The following BAZ1B variants were observed in gnomAD, a reference collection of about 807,000 sequenced individuals.
BAZ1B encodes the protein bromodomain adjacent to zinc finger domain 1B, also known as tyrosine-protein kinase BAZ1B.
In BAZ1B, 22 loss-of-function variants were observed where a neutral mutation model predicts 153.8. The observed-to-expected ratio is 0.14, with a 90% CI of 0.10 to 0.20. The LOEUF is 0.20. BAZ1B is among the 10% of genes least tolerant of loss of function. The pLI is 1.00. For missense variants in BAZ1B, 1,325 were observed against 1,799.3 expected (o/e 0.74, Z 4.77); for synonymous variants, 676 against 633.4 (o/e 1.07, Z -1.01).
intron 4 of BAZ1B, among the ~76,000 whole-genome samples, chr7:73,496,632 G>A (rs1162948686): frequency 6.6e-6 from 1 of 152,106 alleles, no homozygotes; most frequent in Non-Finnish European, 1.5e-5. Flanking sequence ...AGGCTGAACG[G>A]TCTTCCCAGT....
intron 3 of BAZ1B, among the ~76,000 whole-genome samples, chr7:73,499,949 T>C (rs537829849): frequency 6.6e-6 from 1 of 152,302 alleles, no homozygotes; most frequent in Admixed American, 6.5e-5. Context: ...TTGGTCTTGC[T>C]TTTTCTGCCC....
Position 73,450,881 on chromosome 7 carries a change from T to C in BAZ1B, c.3546A>G (p.Ala1182=), listed in dbSNP as rs143371789. The C allele has an allele frequency of 7.4e-6, 12 of 1,614,080 alleles. No individual in the cohort carries two copies. Among genetic ancestry groups the C allele is most frequent in the Non-Finnish European group, 1.0e-5 (12 of 1,180,042 alleles). Residue 1182 remains alanine (A), a synonymous_variant, in exon 14 of 20, where the codon GCA becomes GCG. Coordinates refer to ENST00000339594, the MANE Select transcript of BAZ1B (RefSeq NM_032408.4). The surrounding 1 kb of genome is among the most constrained non-coding windows in gnomAD (Gnocchi z 4.1). Reference sequence around the variant, plus strand: ...GACAAACTTTGCACCTAGCATTTTCTGCGGACATATCCCACTTGATACAGG... The same window carrying C: ...GACAAACTTTGCACCTAGCATTTTCCGCGGACATATCCCACTTGATACAGG... ...LDACIKWDMS[A]ENARCKVCRK...
chr7:73,449,966 A>G (rs939042489), intron 14 of BAZ1B, among the ~76,000 whole-genome samples: 4 of 152,084 alleles, frequency 2.6e-5, no homozygotes, highest in Admixed American at 2.0e-4. Flanking sequence ...GGCACAAAAA[A>G]CCCAAGTGAG....
chr7:73,443,923 A>G (rs1185143827), intron 17 of BAZ1B, 61 bp downstream of exon 17: 2 of 1,605,688 alleles, frequency 1.2e-6, no homozygotes, highest in Non-Finnish European at 8.5e-7. Flanking sequence ...TGAATTCCTA[A>G]TTGCTGGGGT....
chr7:73,444,809 G>A (rs1350177971), intron 16 of BAZ1B, among the ~76,000 whole-genome samples: 2 of 152,134 alleles, frequency 1.3e-5, no homozygotes, highest in Non-Finnish European at 2.9e-5. Context: ...GAGGTCGGGA[G>A]TTCAAGACCA....
chr7:73,455,281 G>T (rs1388359929), intron 13 of BAZ1B, among the ~76,000 whole-genome samples: 2 of 152,102 alleles, frequency 1.3e-5, no homozygotes, highest in Non-Finnish European at 2.9e-5. Context: ...GAAAAAAAAG[G>T]AAAGAAGGCA....
At chr7:73,501,458 T>C (rs910684454) in intron 3 of BAZ1B, among the ~76,000 whole-genome samples, 3 of 152,200 alleles carry the variant, frequency 2.0e-5, no homozygotes, top group Admixed American at 1.3e-4. Flanking sequence ...GGGGTAATTA[T>C]GTCATACCTC....
At chr7:73,473,643 AGTAGT>A (rs1198386819) in intron 7 of BAZ1B, among the ~76,000 whole-genome samples, 1 of 152,238 alleles carries the variant, frequency 6.6e-6, no homozygotes, top group Non-Finnish European at 1.5e-5. Context: ...AATGGCCTTA[AGTAGT>A]GTAAACTAAA....
chr7:73,460,539 A>C (rs1788361577), intron 12 of BAZ1B, among the ~76,000 whole-genome samples: 1 of 152,138 alleles, frequency 6.6e-6, no homozygotes, highest in Non-Finnish European at 1.5e-5. Context: ...ACCCAGGCAG[A>C]AGTGCAGCAA....
At chr7:73,452,466 A>G (rs1320809381) in intron 13 of BAZ1B, among the ~76,000 whole-genome samples, 1 of 152,104 alleles carries the variant, frequency 6.6e-6, no homozygotes, top group Non-Finnish European at 1.5e-5. Flanking sequence ...GCTCACACCT[A>G]TAATCCCAGC....
In BAZ1B at chr7:73,477,511, G is replaced by A. The variant is rs1789040518; in HGVS notation, c.1950C>T (p.Tyr650=). ...AGAGGATGACCAACACCCTGTTAAG[G>A]TATAAAAAGCCACCCTTATCTGCAC... is the stretch of plus-strand genomic sequence containing the variant. ...ALSADKGGFL[Y]LNRVLVILLQ... The change falls in exon 7 of 20, where the codon TAC becomes TAT. Residue 650 remains tyrosine, a synonymous_variant. Coordinates refer to ENST00000339594, the MANE Select transcript of BAZ1B (RefSeq NM_032408.4). The surrounding 1 kb of genome is among the most constrained non-coding windows in gnomAD (Gnocchi z 5.6). 1 of 1,614,092 alleles carries A rather than the reference G, an allele frequency of 6.2e-7. No homozygotes were observed. Among genetic ancestry groups the A allele is most frequent in the South Asian group, 1.1e-5 (1 of 91,076 alleles).
intron 3 of BAZ1B, among the ~76,000 whole-genome samples, chr7:73,502,154 G>C (rs1554577223): frequency 6.6e-6 from 1 of 152,024 alleles, no homozygotes. Flanking sequence ...CTCCCAAAGT[G>C]CTGGGATTAC....
chr7:73,444,070 C>A lies in BAZ1B; in HGVS notation c.3904G>T (p.Gly1302Cys), dbSNP rs149643730. 7 of 1,613,534 alleles carry A rather than the reference C, an allele frequency of 4.3e-6. No individual in the cohort carries two copies. The East Asian group carries it at 1.6e-4, about 36-fold the overall frequency. The change falls in exon 17 of 20, where the codon GGC becomes TGC. Residue 1302 changes from glycine to cysteine, a missense_variant. Around this residue, in one of 9 missense-constraint regions of BAZ1B, gnomAD observed 271 missense variants for 337.2 expected, o/e 0.80. Transcript: ENST00000339594. ...TGTGGCTTCTTACCCGGGCGCCGGC[C>A]TGACCTTGCTGCAGGGGGGATGACG... ...HSVIPPAARS[G>C]RRPGKKPHST...
chr7:73,476,433 C>T (rs1554572779), intron 7 of BAZ1B, among the ~76,000 whole-genome samples: 3 of 152,002 alleles, frequency 2.0e-5, no homozygotes. Flanking sequence ...GTGCTAGGGG[C>T]TTCAAATACC....
chr7:73,520,399 A>G (rs903208168), intron 1 of BAZ1B, among the ~76,000 whole-genome samples: 5 of 152,102 alleles, frequency 3.3e-5, no homozygotes, highest in African/African-American at 4.8e-5. Flanking sequence ...AAATTAATTG[A>G]AAGTGAAGGA....
At chr7:73,456,498 T>C (rs1336970990) in intron 13 of BAZ1B, among the ~76,000 whole-genome samples, 1 of 152,142 alleles carries the variant, frequency 6.6e-6, no homozygotes, top group Non-Finnish European at 1.5e-5. Context: ...GACTTGAATA[T>C]ATATTTCTCC....
intron 4 of BAZ1B, among the ~76,000 whole-genome samples, chr7:73,497,570 CTT>C (rs556176158): frequency 2.5e-3 from 378 of 152,204 alleles, no homozygotes; most frequent in Non-Finnish European, 3.7e-3. Context: ...ATACCTAACT[CTT>C]TGTTCTTTTT....
At chr7:73,508,798 G>C (rs951039007) in intron 2 of BAZ1B, among the ~76,000 whole-genome samples, 3 of 151,992 alleles carry the variant, frequency 2.0e-5, no homozygotes, top group African/African-American at 7.3e-5. Flanking sequence ...TGGATCACGA[G>C]GTCAGGAGAT....
chr7:73,508,950 T>C (rs1554578212), intron 2 of BAZ1B, among the ~76,000 whole-genome samples: 1 of 150,296 alleles, frequency 6.7e-6, no homozygotes, highest in Admixed American at 6.7e-5. Context: ...GAAGCGGAGC[T>C]TACAGTGAGC....
Sources: gnomAD v4.1 joint callset for allele counts (sites outside exome capture counted in the v4.1 genomes callset) on GRCh38, gnomAD v4.1.1 for gene constraint, gnomAD v4.1.1 regional missense constraint, Gnocchi (gnomAD v3.1) non-coding constraint, MANE v1.5 for transcripts, NCBI Gene and HGNC (gene_info 2026-07-23, HGNC 2026-07-21) for gene names.